Variants in ERMAP observed in about 807,000 individuals in gnomAD.
ERMAP encodes erythroid membrane-associated protein.
In ERMAP, 34 loss-of-function variants were observed where a neutral mutation model predicts 49.5. The observed-to-expected ratio is 0.69, with a 90% CI of 0.52 to 0.91. ERMAP has a LOEUF of 0.91. ERMAP is among the 40% of genes least tolerant of loss of function. The pLI, the probability that ERMAP is intolerant of heterozygous loss-of-function variation, is 0.00. For synonymous variants in ERMAP, 214 were observed against 232.2 expected, an observed-to-expected ratio of 0.92 and a Z score of 0.71; for missense variants, 541 against 582.6, an observed-to-expected ratio of 0.93 and a Z score of 0.74.
In ERMAP at chr1:42,840,311, T is replaced by G; in HGVS notation, c.712+15T>G. On this transcript the variant is annotated intron_variant, in intron 11 of 11. Coordinates refer to ENST00000372517, the MANE Select transcript of ERMAP (RefSeq NM_001017922.2). ...GTTGCATTTTGGTAAGTTATACCAA[T>G]CAAATAGGTCCATATCTCAGAGCAC... 1 of 1,614,186 alleles carries G rather than the reference T, an allele frequency of 6.2e-7. No individual in the cohort carries two copies. Among genetic ancestry groups the G allele is most frequent in the South Asian group, 1.1e-5 (1 of 91,090 alleles).
Position 42,830,947 on chromosome 1 carries a change from G to T in ERMAP, c.265G>T (p.Asp89Tyr), listed in dbSNP as rs1232040175. The T allele has an allele frequency of 6.2e-7, 1 of 1,614,234 alleles. No homozygotes were observed. The highest frequency in any genetic ancestry group is 8.5e-7 in the Non-Finnish European group (1 of 1,180,032). Residue 89 changes from aspartate (D) to tyrosine (Y), a missense_variant, in exon 4 of 12, where the codon GAT becomes TAT. Coordinates refer to ENST00000372517, the MANE Select transcript of ERMAP (RefSeq NM_001017922.2). ...IFRDGKDQDE[D>Y]LMPEYKGRTV... Reference sequence around the variant, plus strand: ...CCGGGATGGGAAGGACCAGGATGAAGATCTGATGCCGGAATATAAGGGGAG... The same window carrying T: ...CCGGGATGGGAAGGACCAGGATGAATATCTGATGCCGGAATATAAGGGGAG...
chr1:42,842,526 C>T lies in ERMAP; in HGVS notation c.722C>T (p.Thr241Ile), dbSNP rs778140077. The T allele has an allele frequency of 5.0e-6, 8 of 1,612,434 alleles. No homozygotes were observed. The Admixed American group carries it at 5.0e-5, about 10-fold the overall frequency. The change falls in exon 12 of 12, where the codon ACC becomes ATC. Residue 241 changes from threonine (T) to isoleucine (I), a missense_variant. Thr to Ile is a moderately conservative substitution (Grantham distance 89). Coordinates refer to ENST00000372517, the MANE Select transcript of ERMAP (RefSeq NM_001017922.2). Reference protein sequence around the residue: ...RRARLHFVAVTLDPDTAHPKL... With the variant: ...RRARLHFVAVILDPDTAHPKL... ...CTGTGTCTCTTTGCAGTGGCAGTGA[C>T]CCTGGACCCAGACACAGCACATCCC... is the stretch of plus-strand genomic sequence containing the variant.
intron 6 of ERMAP, chr1:42,836,914 A>AC (rs1467130677): frequency 1.8e-5 from 7 of 382,656 alleles, no homozygotes; most frequent in Non-Finnish European, 2.8e-5. Flanking sequence ...AAAAAAAAAA[A>AC]AAAAACTAAA....
chr1:42,838,379 GGC>G (rs1654963426), intron 7 of ERMAP, among the ~76,000 whole-genome samples: 3 of 152,170 alleles, frequency 2.0e-5, no homozygotes, highest in African/African-American at 7.2e-5. Context: ...TGGGCCACAT[GGC>G]CCTCCAGAGA....
At chr1:42,834,643 C>A in intron 4 of ERMAP, 1 of 237,336 alleles carries the variant, frequency 4.2e-6, no homozygotes, top group Non-Finnish European at 8.5e-6. Flanking sequence ...GCAACCTCTG[C>A]CTCCCGGGTT....
intron 2 of ERMAP, chr1:42,830,242 A>G (rs1335461816): frequency 5.1e-6 from 3 of 585,604 alleles, no homozygotes; most frequent in South Asian, 4.1e-5. Flanking sequence ...TCTTTTACCC[A>G]TTTTGAAGAT....
chr1:42,839,857 A>G lies in ERMAP; in HGVS notation c.638-176A>G. ...CTGATCCTCTGCAGTATCTCTGGGG[A>G]TACTCCCATGGTCCACAGCTGGGAT... On this transcript the variant is annotated intron_variant, in intron 8 of 11. Transcript: ENST00000372517. 5 of 655,620 alleles carry G rather than the reference A, an allele frequency of 7.6e-6. No individual in the cohort carries two copies. The South Asian group carries it at 9.2e-5, about 12-fold the overall frequency. 40.6% of individuals were successfully genotyped at this position (655,620 alleles called of 1,614,324 possible).
chr1:42,827,913 AAG>A (rs1163609109), intron 2 of ERMAP, among the ~76,000 whole-genome samples: 2 of 152,164 alleles, frequency 1.3e-5, no homozygotes, highest in East Asian at 3.8e-4. Flanking sequence ...CTAAGTGTAA[AAG>A]AGAATAATAC....
intron 7 of ERMAP, among the ~76,000 whole-genome samples, chr1:42,838,363 G>A (rs904458747): frequency 3.3e-5 from 5 of 152,146 alleles, no homozygotes; most frequent in African/African-American, 1.2e-4. Context: ...TGGGTAGGGG[G>A]AAATGTGGGC....
intron 4 of ERMAP, 21 bp from the exon 5 acceptor site, chr1:42,835,017 C>A: frequency 2.1e-6 from 2 of 958,510 alleles, no homozygotes; most frequent in South Asian, 1.3e-5. Flanking sequence ...TGAGGTCAGT[C>A]GTTGGTGGTT....
At chr1:42,828,522 G>T (rs1262808717) in intron 2 of ERMAP, among the ~76,000 whole-genome samples, 2 of 151,092 alleles carry the variant, frequency 1.3e-5, no homozygotes, top group African/African-American at 4.9e-5. Context: ...TTGAGACAAG[G>T]TCTTGCTTTG....
Position 42,843,481 on chromosome 1 carries a change from G to A in ERMAP, c.*249G>A. 1 of 399,760 alleles carries A rather than the reference G, an allele frequency of 2.5e-6. No individual in the cohort carries two copies. The highest frequency in any genetic ancestry group is 6.2e-5 in the South Asian group (1 of 16,144). 24.8% of individuals were successfully genotyped at this position (399,760 alleles called of 1,614,324 possible). On this transcript the variant is annotated 3_prime_UTR_variant, in exon 12 of 12. Coordinates refer to ENST00000372517, the MANE Select transcript of ERMAP (RefSeq NM_001017922.2). ...AACCAAACAATCAGTTTAGGTGCAG[G>A]TGGAGATGTTGAATATGTGTTACCA...
intron 10 of ERMAP, 39 bp from the exon 11 acceptor site, chr1:42,840,231 T>C (rs1655016980): frequency 1.2e-6 from 2 of 1,614,052 alleles, no homozygotes; most frequent in African/African-American, 2.7e-5. Flanking sequence ...GTTCTTGATG[T>C]CTCTGGTACT....
rs1654242281 is a variant in ERMAP, at chr1:42,817,144, A to G, written c.-231A>G. On this transcript the variant is annotated 5_prime_UTR_variant, in exon 1 of 12. The change abolishes an upstream ATG in the 5' untranslated region. Transcript: ENST00000372517. ...GCCCTCTTCCCTCTCCTGGAGGAAA[A>G]TGGCGGTCGCTGGAGCCGCCGACCA... 1 of 1,200,004 alleles carries G rather than the reference A, an allele frequency of 8.3e-7. No individual in the cohort carries two copies. Among genetic ancestry groups the G allele is most frequent in the Non-Finnish European group, 1.1e-6 (1 of 941,510 alleles). 74.3% of individuals were successfully genotyped at this position (1,200,004 alleles called of 1,614,324 possible). A position where few individuals can be genotyped will look rare whatever the true frequency, so the allele number is the denominator to read the frequency against.
chr1:42,834,938 T>C (rs1488553369), intron 4 of ERMAP, 100 bp from the exon 5 acceptor site: 1 of 730,970 alleles, frequency 1.4e-6, no homozygotes, highest in Non-Finnish European at 2.5e-6. Flanking sequence ...CTAGAGGTGA[T>C]GGAGAGTGTT....
At chr1:42,834,541 G>GTTTTTGTTTGTT in intron 4 of ERMAP, 1 of 286,298 alleles carries the variant, frequency 3.5e-6, no homozygotes, top group Non-Finnish European at 6.7e-6. Flanking sequence ...GAACATCTCA[G>GTTTTTGTTTGTT]TTTTTGTTTG....
chr1:42,841,400 G>C (rs1284818442), intron 11 of ERMAP, among the ~76,000 whole-genome samples: 1 of 152,182 alleles, frequency 6.6e-6, no homozygotes, highest in African/African-American at 2.4e-5. Flanking sequence ...TTCGTCCTAC[G>C]TACTTGGGAG....
At chr1:42,839,247 C>G in intron 8 of ERMAP, 1 of 444,322 alleles carries the variant, frequency 2.3e-6, no homozygotes. Flanking sequence ...AGGACAGGAT[C>G]CTTATTAAAC....
chr1:42,832,782 T>G (rs1654784981), intron 4 of ERMAP, among the ~76,000 whole-genome samples: 1 of 152,252 alleles, frequency 6.6e-6, no homozygotes, highest in Non-Finnish European at 1.5e-5. Context: ...GACTGGCTTA[T>G]CCCATTAGGA....
Sources: gnomAD v4.1 joint callset for allele counts (sites outside exome capture counted in the v4.1 genomes callset) on GRCh38, gnomAD v4.1.1 for gene constraint, MANE v1.5 for transcripts, NCBI Gene and HGNC (gene_info 2026-07-23, HGNC 2026-07-21) for gene names.